Variants in TNPO2 observed in about 807,000 individuals in gnomAD.
TNPO2 encodes the protein transportin-2.
TNPO2 carries 16 observed loss-of-function variants against 111.1 expected under a neutral mutation model. That is an observed-to-expected ratio of 0.14 (90% CI 0.10 to 0.22). The LOEUF (loss-of-function observed/expected upper bound fraction) is 0.22, where lower values mean the gene tolerates loss of function less well. Ranked by LOEUF, TNPO2 falls within the 10% of genes least tolerant of loss-of-function variation. TNPO2 has a pLI of 1.00. For synonymous variants in TNPO2, 481 were observed against 475.8 expected (o/e 1.01, Z -0.14); for missense variants, 530 against 1,173.7 (o/e 0.45, Z 8.01).
chr19:12,718,912 A>G, intron 5 of TNPO2, 117 bp downstream of exon 5: 4 of 1,327,084 alleles, frequency 3.0e-6, no homozygotes, highest in Non-Finnish European at 4.2e-6. Context: ...TCAAATGGCA[A>G]TAGTAATAGT....
intron 13 of TNPO2, among the ~76,000 whole-genome samples, chr19:12,710,139 C>T (rs1471007769): frequency 6.6e-6 from 1 of 152,142 alleles, no homozygotes; most frequent in Non-Finnish European, 1.5e-5. Context: ...ACACCACCTA[C>T]CACGGGTTAC....
intron 13 of TNPO2, among the ~76,000 whole-genome samples, chr19:12,708,313 G>A (rs1329607887): frequency 1.3e-5 from 2 of 151,472 alleles, no homozygotes; most frequent in Non-Finnish European, 2.9e-5. Flanking sequence ...TGTATTTTTA[G>A]CAGAGATGGG....
At position 12,701,534 on chromosome 19, in the gene TNPO2, G is replaced by A; in HGVS notation, c.2586+64C>T. On this transcript the variant is annotated intron_variant, in intron 24 of 25. Coordinates refer to ENST00000425528, the MANE Select transcript of TNPO2 (RefSeq NM_001382241.1). This position sits in a 1 kb window ranked among gnomAD's most constrained non-coding sequence, Gnocchi z 5.0. ...TCTTCCCCCATCCCCAGGCCCCATT[G>A]TTACCAGATGGTCTCACCCCTGCCT... 6.2e-7 allele frequency: 1 copy of A among 1,603,162 alleles called. No homozygotes were observed. Among genetic ancestry groups the A allele is most frequent in the South Asian group, 1.1e-5 (1 of 90,866 alleles).
Position 12,705,773 on chromosome 19 carries a change from A to G in TNPO2, c.1669-5T>C. The G allele has an allele frequency of 6.9e-7, 1 of 1,457,100 alleles. No homozygotes were observed. The highest frequency in any genetic ancestry group is 9.1e-7 in the Non-Finnish European group (1 of 1,100,946). The allele number at this position is 1,457,100 out of a possible 1,614,324, so 90.3% of individuals were successfully genotyped here. On this transcript the variant is annotated splice_region_variant and splice_polypyrimidine_tract_variant and intron_variant, in intron 15 of 25. Coordinates refer to ENST00000425528, the MANE Select transcript of TNPO2 (RefSeq NM_001382241.1). This position sits in a 1 kb window ranked among gnomAD's most constrained non-coding sequence, Gnocchi z 7.2. The stretch of plus-strand genomic sequence containing the variant: ...CATCAGCTTCTGGATGTATTCCTGG[A>G]GAGGGAGCACGAAATGGGCGCTCCC...
At chr19:12,704,473 C>T (rs1206829485) in intron 18 of TNPO2, among the ~76,000 whole-genome samples, 1 of 152,170 alleles carries the variant, frequency 6.6e-6, no homozygotes, top group African/African-American at 2.4e-5. Flanking sequence ...ATATCTAATA[C>T]AATGTCAACA....
In TNPO2 at chr19:12,719,659, A is replaced by G. The variant is rs2026559959; in HGVS notation, c.100-323T>C. 6.6e-6 allele frequency among the ~76,000 whole-genome samples: 1 copy of G among 152,130 alleles called. No individual in the cohort carries two copies. Among genetic ancestry groups the G allele is most frequent in the Non-Finnish European group, 1.5e-5 (1 of 68,012 alleles). On this transcript the variant is annotated intron_variant, in intron 3 of 25. Transcript: ENST00000425528. The surrounding 1 kb of genome is among the most constrained non-coding windows in gnomAD (Gnocchi z 5.0). ...AAACATACAAAAAAATTATCCGGGC[A>G]TGATGTGTGCGTGCCTCTATTCCCA... is the stretch of plus-strand genomic sequence containing the variant.
intron 2 of TNPO2, chr19:12,722,582 A>AAAAG (rs1194401241): frequency 7.0e-4 from 105 of 149,714 alleles, no homozygotes; most frequent in Admixed American, 1.5e-3. Flanking sequence ...AAAAAAAAAA[A>AAAAG]AAAGAAAGAA....
At chr19:12,713,735 A>G (rs886217102) in intron 10 of TNPO2, among the ~76,000 whole-genome samples, 12 of 151,894 alleles carry the variant, frequency 7.9e-5, no homozygotes, top group South Asian at 2.1e-4. Flanking sequence ...TAATAATAAT[A>G]ATGATCTGGG....
chr19:12,709,947 A>C (rs920898373), intron 13 of TNPO2, among the ~76,000 whole-genome samples: 1 of 152,180 alleles, frequency 6.6e-6, no homozygotes, highest in Non-Finnish European at 1.5e-5. Context: ...GAAAGCTTAC[A>C]AGGTTGAGGG....
rs569228754 is a variant in TNPO2 at position 12,719,588 on chromosome 19, G to C, written c.100-252C>G. 2.6e-5 allele frequency among the ~76,000 whole-genome samples: 4 copies of C among 152,156 alleles called. No homozygotes were observed. Among genetic ancestry groups the C allele is most frequent in the Non-Finnish European group, 4.4e-5 (3 of 68,032 alleles). On this transcript the variant is annotated intron_variant, in intron 3 of 25. Coordinates refer to ENST00000425528, the MANE Select transcript of TNPO2 (RefSeq NM_001382241.1). The surrounding 1 kb of genome is among the most constrained non-coding windows in gnomAD (Gnocchi z 5.0). The stretch of plus-strand genomic sequence containing the variant: ...CAAGGCGGGTGGATCACAAGGTCAG[G>C]AGTTCGAGACTAGCCTGGCCAGCGT...
rs1170717599 is a variant in TNPO2 at position 12,711,359 on chromosome 19, G to A, written c.1054C>T (p.Pro352Ser). The change falls in exon 12 of 26, where the codon CCT becomes TCT. Residue 352 changes from proline to serine, a missense_variant. By Grantham distance (74) the Pro-to-Ser change is moderately conservative. Coordinates refer to ENST00000425528, the MANE Select transcript of TNPO2 (RefSeq NM_001382241.1). Reference protein sequence around the residue: ...TVTLPHEAERPDGSEDAEDDD... With the variant: ...TVTLPHEAERSDGSEDAEDDD... ...TCCTCCGCGTCCTCGGAGCCATCAGGCCGCTCAGCCTCGTGGGGCAGTGTG... is the reference window on the plus strand; with the variant it reads ...TCCTCCGCGTCCTCGGAGCCATCAGACCGCTCAGCCTCGTGGGGCAGTGTG... 1.9e-6 allele frequency: 3 copies of A among 1,614,026 alleles called. No homozygotes were observed. The highest frequency in any genetic ancestry group is 2.5e-6 in the Non-Finnish European group (3 of 1,179,906).
rs1041343499 is a variant in TNPO2 at position 12,699,877 on chromosome 19, G to C, written c.*1387C>G. 3.3e-5 allele frequency: 5 copies of C among 152,344 alleles called. No individual in the cohort carries two copies. The highest frequency in any genetic ancestry group is 1.2e-4 in the African/African-American group (5 of 41,308). 9.4% of individuals were successfully genotyped at this position (152,344 alleles called of 1,614,324 possible). A position where few individuals can be genotyped will look rare whatever the true frequency, so the allele number is the denominator to read the frequency against. ...GCCCCAGGATGCGAGACTCCAGTCA[G>C]ACTCCAAAACACAAGGGGCTCCCCA... On this transcript the variant is annotated 3_prime_UTR_variant, in exon 26 of 26. Coordinates refer to ENST00000425528, the MANE Select transcript of TNPO2 (RefSeq NM_001382241.1).
At chr19:12,722,590 GAA>G (rs1967068463) in intron 2 of TNPO2, 1 of 122,792 alleles carries the variant, frequency 8.1e-6, no homozygotes, top group Non-Finnish European at 1.7e-5. Context: ...AAAAAAGAAA[GAA>G]AGAAAAAAAA....
intron 18 of TNPO2, among the ~76,000 whole-genome samples, chr19:12,704,517 G>A (rs1599408385): frequency 6.6e-6 from 1 of 152,188 alleles, no homozygotes. Flanking sequence ...TATTGTTTAG[G>A]GAATAATAAC....
Position 12,715,807 on chromosome 19 carries a change from T to G in TNPO2, c.326-68A>C. 1 of 1,282,032 alleles carries G rather than the reference T, an allele frequency of 7.8e-7. No homozygotes were observed. Among genetic ancestry groups the G allele is most frequent in the East Asian group, 2.5e-5 (1 of 39,910 alleles). The allele number at this position is 1,282,032 out of a possible 1,614,324, so 79.4% of individuals were successfully genotyped here. A position where few individuals can be genotyped will look rare whatever the true frequency, so the allele number is the denominator to read the frequency against. On this transcript the variant is annotated intron_variant, in intron 5 of 25. Transcript: ENST00000425528. This position sits in a 1 kb window ranked among gnomAD's most constrained non-coding sequence, Gnocchi z 7.1. ...GCTGCCTAGCACCTCCCCCTCCCACTGGACACCCCCAGTGCTGCCTTTCTG... is the reference window on the plus strand; with the variant it reads ...GCTGCCTAGCACCTCCCCCTCCCACGGGACACCCCCAGTGCTGCCTTTCTG...
At chr19:12,703,919 T>G (rs2025476470) in intron 18 of TNPO2, 118 bp from the exon 19 acceptor site, 1 of 888,136 alleles carries the variant, frequency 1.1e-6, no homozygotes, top group Admixed American at 2.8e-5. Flanking sequence ...CTAGAGCTCC[T>G]AGCTGTTCCT....
intron 2 of TNPO2, 92 bp downstream of exon 2, chr19:12,723,154 AAGG>A (rs748647603): frequency 6.6e-6 from 1 of 152,222 alleles, no homozygotes; most frequent in Non-Finnish European, 1.5e-5. Context: ...TAGTTTTTAC[AAGG>A]AGATGAAAAA....
chr19:12,701,934 TG>T lies in TNPO2; in HGVS notation c.2412-84del. 1 of 1,422,644 alleles carries T rather than the reference TG, an allele frequency of 7.0e-7. No homozygotes were observed. Among genetic ancestry groups the T allele is most frequent in the African/African-American group, 1.4e-5 (1 of 70,784 alleles). 88.1% of individuals were successfully genotyped at this position (1,422,644 alleles called of 1,614,324 possible). On this transcript the variant is annotated intron_variant, in intron 22 of 25. Transcript: ENST00000425528. The surrounding 1 kb of genome is among the most constrained non-coding windows in gnomAD (Gnocchi z 5.0). ...GGCTGGGTCACTGGGGATCAGTGAG[TG>T]GGCCTGGGACATGCATCTGTGGGGG...
Position 12,702,282 on chromosome 19 carries a change from G to T in TNPO2, c.2306-105C>A. 1 of 983,746 alleles carries T rather than the reference G, an allele frequency of 1.0e-6. No individual in the cohort carries two copies. Among genetic ancestry groups the T allele is most frequent in the Non-Finnish European group, 1.6e-6 (1 of 644,202 alleles). The allele number at this position is 983,746 out of a possible 1,614,324, so 60.9% of individuals were successfully genotyped here. A position where few individuals can be genotyped will look rare whatever the true frequency, so the allele number is the denominator to read the frequency against. ...AGGGAATGGCTACTGCAGCCACCCT[G>T]GTCCCCCAAGCTTGGCCCAGCCAGG... On this transcript the variant is annotated intron_variant, in intron 21 of 25. Transcript: ENST00000425528. The surrounding 1 kb of genome is among the most constrained non-coding windows in gnomAD (Gnocchi z 5.5).
Sources: allele counts gnomAD v4.1 joint callset (sites outside exome capture counted in the v4.1 genomes callset), GRCh38; gene constraint gnomAD v4.1.1; non-coding constraint Gnocchi (gnomAD v3.1); transcripts MANE v1.5; gene names NCBI Gene and HGNC (gene_info 2026-07-23, HGNC 2026-07-21).